INPP5B: variants seen among roughly 807,000 people sequenced by gnomAD.
INPP5B encodes the protein inositol polyphosphate-5-phosphatase B.
INPP5B carries 90 observed loss-of-function variants against 118.5 expected under a neutral mutation model. The observed-to-expected ratio is 0.76, with a 90% CI of 0.64 to 0.90. The LOEUF is 0.90. INPP5B is among the 40% of genes least tolerant of loss of function. The pLI, the probability that INPP5B is intolerant of heterozygous loss-of-function variation, is 0.00. For synonymous variants in INPP5B, 385 were observed against 418.9 expected, an observed-to-expected ratio of 0.92 and a Z score of 0.99; for missense variants, 984 against 1,125.6, an observed-to-expected ratio of 0.87 and a Z score of 1.80.
Position 37,873,993 on chromosome 1 carries a change from C to A in INPP5B, c.1951G>T (p.Asp651Tyr). 1 of 1,561,354 alleles carries A rather than the reference C, an allele frequency of 6.4e-7. No homozygotes were observed. The highest frequency in any genetic ancestry group is 8.8e-7 in the Non-Finnish European group (1 of 1,142,308). Residue 651 changes from aspartate to tyrosine, a missense_variant and splice_region_variant, in exon 18 of 24, where the codon GAT (aspartate) becomes TAT (tyrosine). Coordinates refer to ENST00000373024, the MANE Select transcript of INPP5B (RefSeq NM_005540.3). ...AGGAAGCTAGGAACAGAGGCCTTAC[C>A]TGGCAGGAGGAAGCCTCTGCTGGGG... ...ANPSRGFLLP[D>Y]SDVEIDLELF...
rs2148511978 is a variant in INPP5B at position 37,887,597 on chromosome 1, A to G, written c.900-132T>C. On this transcript the variant is annotated intron_variant, in intron 10 of 23. Transcript: ENST00000373024. ...GGACCCTCAGGAGGAAAAAATAAACATTTAGAGCCAAGGAACTAAATGCCA... is the reference window on the plus strand; with the variant it reads ...GGACCCTCAGGAGGAAAAAATAAACGTTTAGAGCCAAGGAACTAAATGCCA... 3 of 581,518 alleles carry G rather than the reference A, an allele frequency of 5.2e-6. No homozygotes were observed. The East Asian group carries it at 8.8e-5, about 17-fold the overall frequency. The allele number at this position is 581,518 out of a possible 1,614,324, so 36.0% of individuals were successfully genotyped here.
chr1:37,940,788 C>A lies in INPP5B; in HGVS notation c.291G>T (p.Val97=). The change falls in exon 6 of 24, where the codon GTG becomes GTT. Residue 97 remains valine (V), a synonymous_variant. Transcript: ENST00000373024. ...GCTCTGCTGTGTCCAGCTGGACGGTCACATCTGAGCCTGCACAAAGGAGGC... is the reference window on the plus strand; with the variant it reads ...GCTCTGCTGTGTCCAGCTGGACGGTAACATCTGAGCCTGCACAAAGGAGGC... The part of the protein sequence containing the change: ...DGELYILGSD[V]TVQLDTAELS... 1.2e-6 allele frequency: 2 copies of A among 1,612,520 alleles called. No homozygotes were observed. The highest frequency in any genetic ancestry group is 2.2e-5 in the South Asian group (2 of 90,978).
At chr1:37,937,829 A>G (rs1441936028) in intron 6 of INPP5B, among the ~76,000 whole-genome samples, 2 of 151,966 alleles carry the variant, frequency 1.3e-5, no homozygotes, top group Admixed American at 6.6e-5. Context: ...TTAGCCAGGC[A>G]TAGTGGCAGG....
In INPP5B at chr1:37,889,921, T is replaced by C. The variant is rs141563011; in HGVS notation, c.630-197A>G. On this transcript the variant is annotated intron_variant, in intron 8 of 23. Transcript: ENST00000373024. Reference sequence around the variant, plus strand: ...TTTATATTTTGTTGATTGTATAATATGTTGGTCTGGAGATTTTCCTAATAA... The same window carrying C: ...TTTATATTTTGTTGATTGTATAATACGTTGGTCTGGAGATTTTCCTAATAA... Among the ~76,000 whole-genome samples the C allele has an allele frequency of 1.5e-3, 226 of 152,364 alleles. 2 individuals are homozygous for C. The highest frequency in any genetic ancestry group is 5.1e-3 in the African/African-American group (212 of 41,590).
At position 37,860,875 on chromosome 1, in the gene INPP5B, C is replaced by T. The variant is rs1136994; in HGVS notation, c.*1440G>A. 0.094 allele frequency: 14,322 copies of T among 152,238 alleles called. 868 individuals are homozygous for T. Among genetic ancestry groups the T allele is most frequent in the Middle Eastern group, 0.24 (70 of 294 alleles). 9.4% of individuals were successfully genotyped at this position (152,238 alleles called of 1,614,324 possible). A position where few individuals can be genotyped will look rare whatever the true frequency, so the allele number is the denominator to read the frequency against. ...GGTCTCCCTCTCTCACCCGGGCTGGCGTACAGTGATGTGGTCATAGGTCAC... is the reference window on the plus strand; with the variant it reads ...GGTCTCCCTCTCTCACCCGGGCTGGTGTACAGTGATGTGGTCATAGGTCAC... On this transcript the variant is annotated 3_prime_UTR_variant, in exon 24 of 24. Coordinates refer to ENST00000373024, the MANE Select transcript of INPP5B (RefSeq NM_005540.3).
In INPP5B at chr1:37,874,174, C is replaced by T. The variant is rs780857972; in HGVS notation, c.1789-19G>A. On this transcript the variant is annotated intron_variant, in intron 17 of 23. Coordinates refer to ENST00000373024, the MANE Select transcript of INPP5B (RefSeq NM_005540.3). ...AACAGAACTGGGAAGAAGCCCGGGG[C>T]CAGTGAAAACCAGTGCCCTTTCCTC... 5.9e-6 allele frequency: 9 copies of T among 1,530,800 alleles called. No individual in the cohort carries two copies. The Admixed American group carries it at 8.8e-5, about 15-fold the overall frequency. The allele number at this position is 1,530,800 out of a possible 1,614,324, so 94.8% of individuals were successfully genotyped here.
At chr1:37,883,469 T>G in intron 13 of INPP5B, 1 of 985,456 alleles carries the variant, frequency 1.0e-6, no homozygotes, top group Non-Finnish European at 1.2e-6. Context: ...AGAAGGTGTT[T>G]GATTCCTTCT....
At chr1:37,892,775 C>T (rs527282824) in intron 7 of INPP5B, among the ~76,000 whole-genome samples, 1 of 152,282 alleles carries the variant, frequency 6.6e-6, no homozygotes, top group African/African-American at 2.4e-5. Context: ...AATCCTAACC[C>T]CCAAGATAAC....
chr1:37,918,820 ATT>A (rs1644958313), intron 7 of INPP5B, among the ~76,000 whole-genome samples: 1 of 152,220 alleles, frequency 6.6e-6, no homozygotes, highest in Non-Finnish European at 1.5e-5. Flanking sequence ...CACAGCAGAC[ATT>A]CAGGAACTGT....
intron 3 of INPP5B, 111 bp from the exon 4 acceptor site, chr1:37,944,004 G>A: frequency 3.9e-6 from 3 of 762,936 alleles, no homozygotes; most frequent in Non-Finnish European, 4.6e-6. Context: ...CACTGTGCTG[G>A]TGGTGCCCTG....
chr1:37,888,644 T>C (rs1057039895), intron 9 of INPP5B, among the ~76,000 whole-genome samples: 6 of 152,218 alleles, frequency 3.9e-5, no homozygotes, highest in Admixed American at 1.3e-4. Context: ...TTGTATATAC[T>C]ACTGAAATGA....
At chr1:37,931,816 G>A in intron 7 of INPP5B, 97 bp downstream of exon 7, 1 of 1,608,708 alleles carries the variant, frequency 6.2e-7, no homozygotes, top group Non-Finnish European at 8.5e-7. Flanking sequence ...TCGAAAGCCT[G>A]TCTTCTCCAT....
chr1:37,921,017 A>AATGGCGTGAACACGGG (rs1168340036), intron 7 of INPP5B, among the ~76,000 whole-genome samples: 2 of 151,920 alleles, frequency 1.3e-5, no homozygotes, highest in Admixed American at 6.6e-5. Context: ...GAGGCAGGAG[A>AATGGCGTGAACACGGG]ATGGCGTGAA....
intron 3 of INPP5B, among the ~76,000 whole-genome samples, chr1:37,944,776 C>A (rs1235026952): frequency 8.0e-5 from 11 of 137,040 alleles, no homozygotes; most frequent in Non-Finnish European, 7.9e-5. Flanking sequence ...GAGATGGAGC[C>A]GGGGAGCGGG....
In INPP5B at chr1:37,936,720, AC is replaced by A. The variant is rs200055006; in HGVS notation, c.391+3967del. On this transcript the variant is annotated intron_variant, in intron 6 of 23. Transcript: ENST00000373024. ...GCAAGGGCTCAGGCTCTGGAGCAGA[AC>A]TTTTTTTTTTTTTTTTTGAGAGACA... is the stretch of plus-strand genomic sequence containing the variant. Among the ~76,000 whole-genome samples the A allele has an allele frequency of 9.3e-3, 1,376 of 148,576 alleles. 24 individuals are homozygous for A. Among genetic ancestry groups the A allele is most frequent in the African/African-American group, 0.032 (1,310 of 40,630 alleles).
At chr1:37,883,380 T>G in intron 13 of INPP5B, 2 of 985,392 alleles carry the variant, frequency 2.0e-6, no homozygotes, top group Non-Finnish European at 2.4e-6. Context: ...TGAAACAAAG[T>G]TCAAACTTTA....
chr1:37,862,592 AC>A (rs2148435616), intron 23 of INPP5B, among the ~76,000 whole-genome samples, 162 bp from the exon 24 acceptor site: 1 of 152,354 alleles, frequency 6.6e-6, no homozygotes, highest in Admixed American at 6.5e-5. Flanking sequence ...ACCTGTACTT[AC>A]ACAATTCTAG....
In INPP5B at chr1:37,946,223, C is replaced by G. The variant is rs183887599; in HGVS notation, c.57+29G>C. On this transcript the variant is annotated intron_variant, in intron 2 of 23. Coordinates refer to ENST00000373024, the MANE Select transcript of INPP5B (RefSeq NM_005540.3). ...CCTCTTCCCAAGGCCAGGGCAGGCT[C>G]AGGGCCGCAGTTAGCACAGGAAGGA... The G allele has an allele frequency of 3.8e-6, 6 of 1,599,588 alleles. No individual in the cohort carries two copies. In the South Asian group the frequency reaches 6.8e-5, roughly 18 times the overall value.
Position 37,862,017 on chromosome 1 carries a change from CAG to C in INPP5B, c.*296_*297del, listed in dbSNP as rs1641727863. 4.0e-6 allele frequency: 1 copy of C among 250,162 alleles called. No individual in the cohort carries two copies. Among genetic ancestry groups the C allele is most frequent in the African/African-American group, 2.3e-5 (1 of 43,768 alleles). The allele number at this position is 250,162 out of a possible 1,614,324, so 15.5% of individuals were successfully genotyped here. A position where few individuals can be genotyped will look rare whatever the true frequency, so the allele number is the denominator to read the frequency against. On this transcript the variant is annotated 3_prime_UTR_variant, in exon 24 of 24. Transcript: ENST00000373024. The stretch of plus-strand genomic sequence containing the variant: ...TGCCACCGCACTCCACCCTGCGCGA[CAG>C]AGCAAAACTCCGTCTCAAAATAAAA...
Sources: gnomAD v4.1 joint callset for allele counts (sites outside exome capture counted in the v4.1 genomes callset) on GRCh38, gnomAD v4.1.1 for gene constraint, MANE v1.5 for transcripts, NCBI Gene and HGNC (gene_info 2026-07-23, HGNC 2026-07-21) for gene names.